AMOTL1: variants seen among roughly 807,000 people sequenced by gnomAD.
AMOTL1 encodes the protein angiomotin like 1.
AMOTL1 carries 45 observed loss-of-function variants against 102.9 expected under a neutral mutation model. The observed-to-expected ratio is 0.44, with a 90% CI of 0.34 to 0.56. The LOEUF (loss-of-function observed/expected upper bound fraction) is 0.56. AMOTL1 is among the 20% of genes least tolerant of loss of function. The pLI is 0.01. For synonymous variants in AMOTL1, 481 were observed against 484.7 expected, an observed-to-expected ratio of 0.99 and a Z score of 0.10; for missense variants, 1,114 against 1,225.6, an observed-to-expected ratio of 0.91 and a Z score of 1.36.
intron 2 of AMOTL1, among the ~76,000 whole-genome samples, chr11:94,738,021 G>C (rs1218752561): frequency 6.6e-6 from 1 of 152,216 alleles, no homozygotes; most frequent in African/African-American, 2.4e-5. Context: ...TCTGTATACT[G>C]ACAGGAGTGA....
intron 2 of AMOTL1, among the ~76,000 whole-genome samples, chr11:94,736,517 G>A (rs1334836868): frequency 1.3e-5 from 2 of 152,180 alleles, no homozygotes; most frequent in African/African-American, 4.8e-5. Flanking sequence ...CTCCCAAAGT[G>A]TTGTGATTAC....
chr11:94,864,166 C>T (rs929892112), intron 9 of AMOTL1, among the ~76,000 whole-genome samples: 1 of 151,884 alleles, frequency 6.6e-6, no homozygotes, highest in Non-Finnish European at 1.5e-5. Context: ...GGATGATAAA[C>T]AGAAATAAAA....
chr11:94,707,367 G>A (rs1444469631), intron 1 of AMOTL1, among the ~76,000 whole-genome samples: 1 of 151,616 alleles, frequency 6.6e-6, no homozygotes, highest in Non-Finnish European at 1.5e-5. Context: ...GTCACTGATT[G>A]AATCATACAA....
intron 1 of AMOTL1, among the ~76,000 whole-genome samples, chr11:94,723,165 T>C (rs1314303620): frequency 6.6e-6 from 1 of 152,122 alleles, no homozygotes; most frequent in Admixed American, 6.6e-5. Flanking sequence ...AGTATGGCCA[T>C]GCACCGTGCT....
At chr11:94,830,823 C>T (rs868481097) in intron 5 of AMOTL1, among the ~76,000 whole-genome samples, 1 of 152,348 alleles carries the variant, frequency 6.6e-6, no homozygotes, top group South Asian at 2.1e-4. Context: ...TCAAAACACT[C>T]AACATCCTGG....
chr11:94,810,539 C>T (rs1951659063), intron 3 of AMOTL1, among the ~76,000 whole-genome samples: 1 of 144,682 alleles, frequency 6.9e-6, no homozygotes, highest in Non-Finnish European at 1.5e-5. Flanking sequence ...TGAGGTAATA[C>T]ACTAGTAAAG....
chr11:94,800,186 T>A lies in AMOTL1; in HGVS notation c.996T>A (p.Leu332=), dbSNP rs781096885. The change falls in exon 3 of 13, where the codon CTT becomes CTA. Residue 332 remains leucine, a synonymous_variant. Coordinates refer to ENST00000433060, the MANE Select transcript of AMOTL1 (RefSeq NM_130847.3). ...TCAGCAAGACCCAGGAGCACGGACT[T>A]TTTTATGGTGACCAGCACCCCGGGA... ...SPVSKTQEHG[L]FYGDQHPGML... 12 of 1,613,922 alleles carry A rather than the reference T, an allele frequency of 7.4e-6. No homozygotes were observed. In the East Asian group the frequency reaches 1.1e-4, roughly 15 times the overall value.
chr11:94,708,162 C>G (rs372321132), intron 1 of AMOTL1, among the ~76,000 whole-genome samples: 19 of 152,320 alleles, frequency 1.2e-4, no homozygotes, highest in Admixed American at 7.8e-4. Flanking sequence ...CTCGTCCCCC[C>G]TGCTACCAGG....
intron 3 of AMOTL1, among the ~76,000 whole-genome samples, chr11:94,805,083 T>G (rs1377867397): frequency 6.6e-6 from 1 of 152,276 alleles, no homozygotes; most frequent in Non-Finnish European, 1.5e-5. Context: ...TGCTGCACAC[T>G]GCGTCTCCCA....
intron 1 of AMOTL1, among the ~76,000 whole-genome samples, chr11:94,780,738 C>G (rs1045886630): frequency 1.3e-5 from 2 of 152,146 alleles, no homozygotes; most frequent in African/African-American, 4.8e-5. Context: ...CGTAACAGCC[C>G]TATGTAGTAG....
intron 6 of AMOTL1, among the ~76,000 whole-genome samples, chr11:94,835,637 G>A (rs1208517568): frequency 1.3e-5 from 2 of 152,150 alleles, no homozygotes; most frequent in East Asian, 3.9e-4. Context: ...GATTAGCTCT[G>A]GCATGTTTGC....
intron 3 of AMOTL1, among the ~76,000 whole-genome samples, chr11:94,752,567 T>G (rs1379914836): frequency 2.0e-5 from 3 of 152,174 alleles, no homozygotes; most frequent in African/African-American, 7.2e-5. Context: ...GTATAAACAT[T>G]TATTTCTGCT....
intron 1 of AMOTL1, among the ~76,000 whole-genome samples, chr11:94,710,230 A>T (rs1244243897): frequency 6.6e-6 from 1 of 152,184 alleles, no homozygotes; most frequent in Admixed American, 6.6e-5. Flanking sequence ...CAGAGGTGCC[A>T]CCTGAGGCCT....
Position 94,871,553 on chromosome 11 carries a change from G to A in AMOTL1, c.*758G>A, listed in dbSNP as rs367649351. ...AATAAGACATAGCAGAATTCCTTAG[G>A]TATGGGATTTATGAGACCAGTACCT... On this transcript the variant is annotated 3_prime_UTR_variant, in exon 13 of 13. Transcript: ENST00000433060. 4 of 151,904 alleles carry A rather than the reference G, an allele frequency of 2.6e-5. No individual in the cohort carries two copies. Among genetic ancestry groups the A allele is most frequent in the African/African-American group, 9.7e-5 (4 of 41,322 alleles). 9.4% of individuals were successfully genotyped at this position (151,904 alleles called of 1,614,324 possible).
chr11:94,843,100 A>T (rs1282260936), intron 6 of AMOTL1, among the ~76,000 whole-genome samples: 1 of 152,162 alleles, frequency 6.6e-6, no homozygotes, highest in Non-Finnish European at 1.5e-5. Context: ...TCCCCAAATA[A>T]CAAGCCTCCT....
intron 1 of AMOTL1, among the ~76,000 whole-genome samples, chr11:94,771,942 C>A (rs1464454249): frequency 6.6e-6 from 1 of 152,188 alleles, no homozygotes; most frequent in African/African-American, 2.4e-5. Context: ...TGTGTTTAAA[C>A]CTGTGTTTGA....
At chr11:94,733,798 G>A (rs1950392742) in intron 2 of AMOTL1, among the ~76,000 whole-genome samples, 1 of 152,232 alleles carries the variant, frequency 6.6e-6, no homozygotes, top group Admixed American at 6.5e-5. Flanking sequence ...CTGAGTGTAA[G>A]TCGGAAGTGT....
At chr11:94,712,799 C>G (rs957296508) in intron 1 of AMOTL1, among the ~76,000 whole-genome samples, 2 of 151,866 alleles carry the variant, frequency 1.3e-5, no homozygotes, top group African/African-American at 4.8e-5. Flanking sequence ...ATTCTATCCT[C>G]TTGAAAAGGT....
chr11:94,731,028 C>CAG (rs1950340699), intron 2 of AMOTL1, among the ~76,000 whole-genome samples: 2 of 152,308 alleles, frequency 1.3e-5, no homozygotes, highest in Admixed American at 1.3e-4. Context: ...TGACCATCTC[C>CAG]AAGCTCTGTC....
Sources: allele counts gnomAD v4.1 joint callset (sites outside exome capture counted in the v4.1 genomes callset), GRCh38; gene constraint gnomAD v4.1.1; transcripts MANE v1.5; gene names NCBI Gene and HGNC (gene_info 2026-07-23, HGNC 2026-07-21).